MTMR2: variants seen among roughly 807,000 people sequenced by gnomAD.
MTMR2 encodes phosphatidylinositol-3,5-bisphosphate 3-phosphatase MTMR2.
In MTMR2, 55 loss-of-function variants were observed where a neutral mutation model predicts 86.9. That is an observed-to-expected ratio of 0.63 (90% CI 0.51 to 0.79). MTMR2 has a LOEUF of 0.79. MTMR2 is among the 30% of genes least tolerant of loss of function. The probability of loss-of-function intolerance (pLI) is 0.00; values close to 1 mark genes in which losing one functional copy is unlikely to be tolerated. For missense variants in MTMR2, 659 were observed against 772.3 expected, an observed-to-expected ratio of 0.85 and a Z score of 1.74; for synonymous variants, 241 against 266.8, an observed-to-expected ratio of 0.90 and a Z score of 0.94.
chr11:95,835,851 T>C (rs1351975335), intron 14 of MTMR2, among the ~76,000 whole-genome samples: 1 of 152,080 alleles, frequency 6.6e-6, no homozygotes, highest in Non-Finnish European at 1.5e-5. Context: ...TTAACTTTCC[T>C]AAAGCTACTT....
chr11:95,835,515 C>T (rs1863228711), intron 14 of MTMR2, 64 bp from the exon 15 acceptor site: 1 of 1,525,904 alleles, frequency 6.6e-7, no homozygotes, highest in Non-Finnish European at 9.0e-7. Context: ...TCAAATCATT[C>T]CCTAAATGTT....
At chr11:95,871,613 C>G (rs1864887117) in intron 2 of MTMR2, among the ~76,000 whole-genome samples, 1 of 152,086 alleles carries the variant, frequency 6.6e-6, no homozygotes, top group East Asian at 1.9e-4. Context: ...TGTTTGAGTT[C>G]ATTGTAGATT....
intron 12 of MTMR2, among the ~76,000 whole-genome samples, chr11:95,841,196 T>C (rs138576706): frequency 4.6e-5 from 7 of 152,194 alleles, no homozygotes; most frequent in African/African-American, 1.7e-4. Flanking sequence ...ATAAACATTT[T>C]TCCCTTAAAA....
Position 95,857,630 on chromosome 11 carries a change from A to C in MTMR2, c.576T>G (p.Leu192=), listed in dbSNP as rs1864259909. ...YAFPVSNNLP[L]FAFEYKEVFP... ...ATACTTCTTTGTATTCAAAAGCAAA[A>C]AGAGGCTACAAAAAAGTAAACAATG... Residue 192 remains leucine (L), a synonymous_variant, in exon 7 of 15, where the codon CTT becomes CTG. Transcript: ENST00000346299. 1.9e-6 allele frequency: 3 copies of C among 1,608,744 alleles called. No individual in the cohort carries two copies. In the Admixed American group the frequency reaches 5.0e-5, roughly 27 times the overall value.
intron 1 of MTMR2, among the ~76,000 whole-genome samples, chr11:95,909,510 C>T (rs1565386423): frequency 6.6e-6 from 1 of 152,132 alleles, no homozygotes; most frequent in African/African-American, 2.4e-5. Context: ...TCCAAATATT[C>T]CACACCTCAA....
At chr11:95,883,478 T>C (rs1276844757) in intron 2 of MTMR2, among the ~76,000 whole-genome samples, 1 of 152,186 alleles carries the variant, frequency 6.6e-6, no homozygotes, top group African/African-American at 2.4e-5. Flanking sequence ...TTAAATAAGT[T>C]TTACTTCCAG....
intron 2 of MTMR2, among the ~76,000 whole-genome samples, chr11:95,879,946 T>C (rs1865261898): frequency 6.6e-6 from 1 of 152,112 alleles, no homozygotes; most frequent in Non-Finnish European, 1.5e-5. Flanking sequence ...GTATTCATCT[T>C]TACCACTCAG....
In MTMR2 at chr11:95,897,591, A is replaced by T. The variant is rs524247; in HGVS notation, c.81-9330T>A. On this transcript the variant is annotated intron_variant, in intron 1 of 14. Transcript: ENST00000346299. ...TTACTTACAAATAGAAATGACATCTATCAACAAATATTAGCCACAATTCCT... is the reference window on the plus strand; with the variant it reads ...TTACTTACAAATAGAAATGACATCTTTCAACAAATATTAGCCACAATTCCT... Among the ~76,000 whole-genome samples, 7 of 152,226 alleles carry T rather than the reference A, an allele frequency of 4.6e-5. No homozygotes were observed. The East Asian group carries it at 1.4e-3, about 29-fold the overall frequency.
chr11:95,842,353 A>G (rs1216781541), intron 11 of MTMR2, among the ~76,000 whole-genome samples: 5 of 152,202 alleles, frequency 3.3e-5, no homozygotes, highest in Admixed American at 6.5e-5. Flanking sequence ...AATAAGTTAC[A>G]TGGACACTGG....
intron 2 of MTMR2, among the ~76,000 whole-genome samples, chr11:95,868,802 G>C (rs550962527): frequency 2.0e-5 from 3 of 152,018 alleles, no homozygotes; most frequent in African/African-American, 7.2e-5. Flanking sequence ...TTAGCTTCAA[G>C]GTTATCTATA....
chr11:95,856,266 A>T (rs377264587), intron 7 of MTMR2, among the ~76,000 whole-genome samples: 1 of 152,148 alleles, frequency 6.6e-6, no homozygotes, highest in Non-Finnish European at 1.5e-5. Context: ...CTGCAAGGAA[A>T]ACCTACCTTT....
At position 95,905,331 on chromosome 11, in the gene MTMR2, G is replaced by GCGCGCGCGCGCGCGCACACACACA. The variant is rs928252045; in HGVS notation, c.81-17071_81-17070insTGTGTGTGTGCGCGCGCGCGCGCG. ...CTTACACACACACGCACGCACCTGC[G>GCGCGCGCGCGCGCGCACACACACA]CACACACACACACACACACACACAC... On this transcript the variant is annotated intron_variant, in intron 1 of 14. Coordinates refer to ENST00000346299, the MANE Select transcript of MTMR2 (RefSeq NM_016156.6). 2.0e-5 allele frequency among the ~76,000 whole-genome samples: 3 copies of GCGCGCGCGCGCGCGCACACACACA among 148,098 alleles called. No homozygotes were observed. The South Asian group carries it at 6.6e-4, about 33-fold the overall frequency.
At chr11:95,884,404 T>TA (rs922349951) in intron 2 of MTMR2, among the ~76,000 whole-genome samples, 7 of 152,150 alleles carry the variant, frequency 4.6e-5, no homozygotes, top group African/African-American at 7.2e-5. Flanking sequence ...ACTTAGCATT[T>TA]AAAAAAGTTT....
At chr11:95,850,817 A>C in intron 7 of MTMR2, 68 bp from the exon 8 acceptor site, 3 of 1,461,116 alleles carry the variant, frequency 2.1e-6, no homozygotes, top group South Asian at 2.3e-5. Flanking sequence ...CCAGGACAGA[A>C]GCCATCCTGT....
rs947033229 is a variant in MTMR2, at chr11:95,924,025, C to T, written c.-71G>A. On this transcript the variant is annotated 5_prime_UTR_variant, in exon 1 of 15. Transcript: ENST00000346299. ...GCTACAGGGCGGGAGAAGCGGAGGG[C>T]GGAGTGCTACGGACCGGGGCCGCAG... The T allele has an allele frequency of 2.4e-5, 37 of 1,530,866 alleles. No homozygotes were observed. The African/African-American group carries it at 3.7e-4, about 15-fold the overall frequency. The allele number at this position is 1,530,866 out of a possible 1,614,324, so 94.8% of individuals were successfully genotyped here.
chr11:95,910,320 C>A (rs1418894637), intron 1 of MTMR2, among the ~76,000 whole-genome samples: 2 of 152,016 alleles, frequency 1.3e-5, no homozygotes, highest in Non-Finnish European at 2.9e-5. Context: ...TTGTCAATCA[C>A]AGCAACACCT....
At chr11:95,915,897 T>A (rs117752934) in intron 1 of MTMR2, among the ~76,000 whole-genome samples, 1,672 of 152,262 alleles carry the variant, frequency 0.011, 24 homozygotes, top group Non-Finnish European at 0.017. Flanking sequence ...TCCCCATCAC[T>A]TAATGATCTT....
At chr11:95,861,296 A>T (rs1864410796) in intron 5 of MTMR2, among the ~76,000 whole-genome samples, 1 of 151,416 alleles carries the variant, frequency 6.6e-6, no homozygotes, top group South Asian at 2.1e-4. Flanking sequence ...AATTAAAGGT[A>T]GTAATGTCTA....
intron 13 of MTMR2, among the ~76,000 whole-genome samples, chr11:95,837,505 T>G (rs192737090): frequency 6.6e-6 from 1 of 152,132 alleles, no homozygotes; most frequent in African/African-American, 2.4e-5. Flanking sequence ...GATAAAGAAG[T>G]AAAACTTGAA....
Sources: gnomAD v4.1 joint callset for allele counts (sites outside exome capture counted in the v4.1 genomes callset) on GRCh38, gnomAD v4.1.1 for gene constraint, MANE v1.5 for transcripts, NCBI Gene and HGNC (gene_info 2026-07-23, HGNC 2026-07-21) for gene names.